The following KCNMB2 variants were observed in gnomAD, a reference collection of about 807,000 sequenced individuals.
KCNMB2 encodes the protein potassium calcium-activated channel subfamily M regulatory beta subunit 2.
A neutral mutation model predicts 24.5 loss-of-function variants in KCNMB2; 9 were observed. The observed-to-expected ratio is 0.37, with a 90% CI of 0.22 to 0.64. The LOEUF (loss-of-function observed/expected upper bound fraction) is 0.64. KCNMB2 is among the 30% of genes least tolerant of loss of function. The pLI, the probability that KCNMB2 is intolerant of heterozygous loss-of-function variation, is 0.63. For synonymous variants in KCNMB2, 109 were observed against 104.4 expected, an observed-to-expected ratio of 1.04 and a Z score of -0.27; for missense variants, 226 against 284.3, an observed-to-expected ratio of 0.79 and a Z score of 1.47.
At chr3:178,788,961 AAAG>A (rs1553778128) in intron 1 of KCNMB2, among the ~76,000 whole-genome samples, 1 of 152,222 alleles carries the variant, frequency 6.6e-6, no homozygotes, top group Non-Finnish European at 1.5e-5. Flanking sequence ...TTTGTTGGAT[AAAG>A]AAGTGAATGC....
At chr3:178,546,415 G>A (rs578211481) in intron 1 of KCNMB2, among the ~76,000 whole-genome samples, 1 of 152,160 alleles carries the variant, frequency 6.6e-6, no homozygotes, top group Non-Finnish European at 1.5e-5. Context: ...GGCACATGAT[G>A]GTGTTTAAGT....
At chr3:178,757,221 T>C (rs1388581761) in intron 1 of KCNMB2, 3 of 142,214 alleles carry the variant, frequency 2.1e-5, no homozygotes, top group East Asian at 4.1e-4. Flanking sequence ...AAATTACCAG[T>C]GAAAATTGTG....
intron 4 of KCNMB2, among the ~76,000 whole-genome samples, chr3:178,828,906 T>C (rs575993527): frequency 1.3e-5 from 2 of 151,024 alleles, no homozygotes; most frequent in South Asian, 2.1e-4. Context: ...CAGAGCATGC[T>C]ACTTTCAACC....
intron 1 of KCNMB2, among the ~76,000 whole-genome samples, chr3:178,568,510 C>G (rs530727248): frequency 1.3e-5 from 2 of 152,178 alleles, no homozygotes; most frequent in Non-Finnish European, 2.9e-5. Context: ...GGAAGGAATT[C>G]CGCTTGGAAA....
chr3:178,745,384 G>A (rs1198900131), intron 1 of KCNMB2, among the ~76,000 whole-genome samples: 1 of 152,032 alleles, frequency 6.6e-6, no homozygotes, highest in African/African-American at 2.4e-5. Context: ...TACTATAATT[G>A]AGAACAGCAT....
chr3:178,688,319 CA>C (rs1202963846), intron 1 of KCNMB2, among the ~76,000 whole-genome samples: 10 of 152,092 alleles, frequency 6.6e-5, no homozygotes, highest in East Asian at 1.9e-4. Context: ...AGTTTATGGT[CA>C]TATTTTTCTG....
At chr3:178,725,469 G>T (rs1030757014) in intron 1 of KCNMB2, among the ~76,000 whole-genome samples, 4 of 151,900 alleles carry the variant, frequency 2.6e-5, no homozygotes, top group Non-Finnish European at 5.9e-5. Context: ...TCTGCAAAAA[G>T]ACTCCTAGAC....
At chr3:178,785,611 A>G (rs1341964229) in intron 1 of KCNMB2, among the ~76,000 whole-genome samples, 1 of 152,086 alleles carries the variant, frequency 6.6e-6, no homozygotes, top group Non-Finnish European at 1.5e-5. Flanking sequence ...GTAAGTAGAG[A>G]ATGGAAGGTG....
At chr3:178,572,987 C>G (rs149880280) in intron 1 of KCNMB2, among the ~76,000 whole-genome samples, 6 of 151,790 alleles carry the variant, frequency 4.0e-5, no homozygotes, top group African/African-American at 1.2e-4. Context: ...CTATTATGAA[C>G]AAAATGTGAA....
intron 1 of KCNMB2, among the ~76,000 whole-genome samples, chr3:178,562,484 A>G (rs183908172): frequency 3.9e-5 from 6 of 152,350 alleles, no homozygotes; most frequent in Admixed American, 2.6e-4. Flanking sequence ...CCCAAGAGCT[A>G]TAAGGCTAAG....
chr3:178,826,845 C>G (rs557871774), intron 3 of KCNMB2, among the ~76,000 whole-genome samples: 1 of 152,320 alleles, frequency 6.6e-6, no homozygotes, highest in East Asian at 1.9e-4. Context: ...TGGCCTTCAG[C>G]TGTGCTCATT....
intron 1 of KCNMB2, among the ~76,000 whole-genome samples, chr3:178,623,233 T>A (rs143566603): frequency 6.6e-6 from 1 of 152,248 alleles, no homozygotes; most frequent in African/African-American, 2.4e-5. Flanking sequence ...ACTTGGGACC[T>A]CAGATACCGC....
chr3:178,781,159 C>G (rs964734749), intron 1 of KCNMB2, among the ~76,000 whole-genome samples: 1 of 151,754 alleles, frequency 6.6e-6, no homozygotes, highest in Non-Finnish European at 1.5e-5. Context: ...TTTCCTATTT[C>G]TTTTATTATT....
rs539814301 is a variant in KCNMB2 at position 178,690,021 on chromosome 3, C to A, written c.-67-117322C>A. The stretch of plus-strand genomic sequence containing the variant: ...TTGAAATAGTGTGATATATTAAAAT[C>A]ACTGTATACACAAAATTTTATATAA... On this transcript the variant is annotated intron_variant, in intron 1 of 4. Transcript: ENST00000452583. Among the ~76,000 whole-genome samples the A allele has an allele frequency of 9.9e-5, 15 of 152,060 alleles. No individual in the cohort carries two copies. In the South Asian group the frequency reaches 1.5e-3, roughly 15 times the overall value.
intron 1 of KCNMB2, among the ~76,000 whole-genome samples, chr3:178,622,661 C>T (rs1015430650): frequency 5.3e-5 from 8 of 152,176 alleles, no homozygotes; most frequent in African/African-American, 1.9e-4. Context: ...CTTGATCTTG[C>T]TGTGATTCCT....
At chr3:178,757,343 C>A (rs1365847342) in intron 1 of KCNMB2, among the ~76,000 whole-genome samples, 2 of 51,428 alleles carry the variant, frequency 3.9e-5, no homozygotes, top group East Asian at 4.1e-4. Context: ...TATATATATC[C>A]AAGAGGATAT....
intron 1 of KCNMB2, among the ~76,000 whole-genome samples, chr3:178,672,301 C>T (rs1720927043): frequency 6.6e-6 from 1 of 152,116 alleles, no homozygotes; most frequent in South Asian, 2.1e-4. Context: ...GGGTAATGTC[C>T]CCATCTTACA....
chr3:178,843,761 T>C lies in KCNMB2; in HGVS notation c.*824T>C, dbSNP rs1345536837. The stretch of plus-strand genomic sequence containing the variant: ...TGTGGAAATCTTTATTTCACTTCAA[T>C]TTAACCATTAGATGGTAAAATTAAG... On this transcript the variant is annotated 3_prime_UTR_variant, in exon 5 of 5. Transcript: ENST00000452583. The C allele has an allele frequency of 6.6e-6, 1 of 152,232 alleles. No individual in the cohort carries two copies. Among genetic ancestry groups the C allele is most frequent in the Non-Finnish European group, 1.5e-5 (1 of 68,042 alleles). The allele number at this position is 152,232 out of a possible 1,614,324, so 9.4% of individuals were successfully genotyped here. A position where few individuals can be genotyped will look rare whatever the true frequency, so the allele number is the denominator to read the frequency against.
At chr3:178,671,893 G>A (rs977133139) in intron 1 of KCNMB2, among the ~76,000 whole-genome samples, 17 of 152,132 alleles carry the variant, frequency 1.1e-4, no homozygotes, top group African/African-American at 3.6e-4. Flanking sequence ...TTTTCAGTTC[G>A]TTGGGTAACT....
Sources: allele counts gnomAD v4.1 joint callset (sites outside exome capture counted in the v4.1 genomes callset), GRCh38; gene constraint gnomAD v4.1.1; transcripts MANE v1.5; gene names NCBI Gene and HGNC (gene_info 2026-07-23, HGNC 2026-07-21).